SLC44A5: variants seen among roughly 807,000 people sequenced by gnomAD.
SLC44A5 encodes solute carrier family 44 member 5, also known as choline transporter-like protein 5.
SLC44A5 carries 57 observed loss-of-function variants against 101.8 expected under a neutral mutation model. That is an observed-to-expected ratio of 0.56 (90% CI 0.45 to 0.70). The LOEUF (loss-of-function observed/expected upper bound fraction) is 0.70, where lower values mean the gene tolerates loss of function less well. Ranked by LOEUF, SLC44A5 falls within the 30% of genes least tolerant of loss-of-function variation. SLC44A5 has a pLI of 0.00. For synonymous variants in SLC44A5, 281 were observed against 290.9 expected (o/e 0.97, Z 0.35); for missense variants, 737 against 853.1 (o/e 0.86, Z 1.70).
chr1:75,370,733 C>T (rs189736795), intron 3 of SLC44A5, among the ~76,000 whole-genome samples: 12 of 152,202 alleles, frequency 7.9e-5, no homozygotes, highest in African/African-American at 2.4e-4. Context: ...AACTTTGATA[C>T]GGGATCAGAG....
chr1:75,582,066 G>A (rs543721038), intron 1 of SLC44A5: 176 of 692,738 alleles, frequency 2.5e-4, no homozygotes, highest in Non-Finnish European at 4.0e-4. Flanking sequence ...ACTTCCAGGC[G>A]CTTCAGGAGC....
At chr1:75,623,280 A>T in the SLC44A5 span, among the ~76,000 whole-genome samples, 1,899 of 152,234 alleles carry the variant, frequency 0.012, 57 homozygotes, top group African/African-American at 0.044. Flanking sequence ...TGAGAGTGTC[A>T]AGGAAGATTC....
the SLC44A5 span, among the ~76,000 whole-genome samples, chr1:75,659,254 T>A: frequency 6.1e-5 from 9 of 147,778 alleles, no homozygotes; most frequent in African/African-American, 2.2e-4. Flanking sequence ...AAACTCATTC[T>A]ATGAAGCCAG....
the SLC44A5 span, among the ~76,000 whole-genome samples, chr1:75,715,526 AC>A: frequency 1.3e-5 from 2 of 152,238 alleles, no homozygotes; most frequent in Non-Finnish European, 2.9e-5. Flanking sequence ...AACAAAGTCA[AC>A]AAAAACAAGC....
intron 2 of SLC44A5, among the ~76,000 whole-genome samples, chr1:75,418,112 T>C (rs1338663784): frequency 6.6e-6 from 1 of 152,214 alleles, no homozygotes; most frequent in African/African-American, 2.4e-5. Flanking sequence ...TTCTTATAAT[T>C]GTATGTTTTC....
intron 2 of SLC44A5, among the ~76,000 whole-genome samples, chr1:75,424,802 C>T (rs991564528): frequency 2.0e-5 from 3 of 151,866 alleles, no homozygotes; most frequent in African/African-American, 7.3e-5. Context: ...ACAGGATTTA[C>T]GTTACAGTAT....
At chr1:75,376,015 C>T (rs1660566813) in intron 3 of SLC44A5, among the ~76,000 whole-genome samples, 1 of 152,196 alleles carries the variant, frequency 6.6e-6, no homozygotes, top group African/African-American at 2.4e-5. Flanking sequence ...CGAGGCATTG[C>T]CTCACTTGGG....
chr1:75,275,102 T>C, intron 5 of SLC44A5, 60 bp from the exon 6 acceptor site: 1 of 1,327,728 alleles, frequency 7.5e-7, no homozygotes, highest in Non-Finnish European at 1.1e-6. Flanking sequence ...GGCAGTTTGA[T>C]TTGAGATATT....
the SLC44A5 span, among the ~76,000 whole-genome samples, chr1:75,678,862 G>C: frequency 0.016 from 2,387 of 152,106 alleles, 71 homozygotes; most frequent in African/African-American, 0.053. Context: ...TGAAAACTTT[G>C]AAAAAAATTT....
chr1:75,309,482 C>A (rs1655141503), intron 4 of SLC44A5, among the ~76,000 whole-genome samples: 1 of 152,138 alleles, frequency 6.6e-6, no homozygotes, highest in South Asian at 2.1e-4. Flanking sequence ...AACAAGATTT[C>A]TCTATTATAA....
At chr1:75,683,703 G>A in the SLC44A5 span, among the ~76,000 whole-genome samples, 5,445 of 151,810 alleles carry the variant, frequency 0.036, 263 homozygotes, top group African/African-American at 0.11. Context: ...ACATGTATAC[G>A]TATGTAACTA....
chr1:75,301,905 A>G (rs1557639998), intron 4 of SLC44A5, among the ~76,000 whole-genome samples: 1 of 152,168 alleles, frequency 6.6e-6, no homozygotes, highest in Non-Finnish European at 1.5e-5. Context: ...AAATAGCTAC[A>G]TCTAAAATCA....
At chr1:75,507,199 C>G (rs546750389) in intron 2 of SLC44A5, among the ~76,000 whole-genome samples, 1 of 152,126 alleles carries the variant, frequency 6.6e-6, no homozygotes, top group South Asian at 2.1e-4. Context: ...ACAGATGGTG[C>G]TAATTATTTT....
chr1:75,634,994 C>T, the SLC44A5 span, among the ~76,000 whole-genome samples: 19 of 151,310 alleles, frequency 1.3e-4, no homozygotes, highest in Non-Finnish European at 1.9e-4. Context: ...AAAAAGTGGG[C>T]GAAGGATATG....
At chr1:75,507,618 G>C (rs1445897453) in intron 2 of SLC44A5, among the ~76,000 whole-genome samples, 1 of 152,062 alleles carries the variant, frequency 6.6e-6, no homozygotes, top group African/African-American at 2.4e-5. Flanking sequence ...GGTTTCAGTA[G>C]AATTGGTACC....
At chr1:75,448,969 T>C (rs1372366392) in intron 2 of SLC44A5, among the ~76,000 whole-genome samples, 2 of 152,164 alleles carry the variant, frequency 1.3e-5, no homozygotes, top group Non-Finnish European at 2.9e-5. Context: ...TTGCCTTCTC[T>C]TTCTCAACCA....
At chr1:75,232,352 A>G (rs374510966) in intron 12 of SLC44A5, among the ~76,000 whole-genome samples, 4 of 152,148 alleles carry the variant, frequency 2.6e-5, no homozygotes, top group African/African-American at 7.2e-5. Context: ...ACAATGCAAG[A>G]GTGATTGAAT....
chr1:75,469,823 C>T (rs554143426), intron 2 of SLC44A5, among the ~76,000 whole-genome samples: 1 of 149,470 alleles, frequency 6.7e-6, no homozygotes, highest in Non-Finnish European at 1.5e-5. Context: ...TCATTTAAGC[C>T]CAGGAATTCG....
At chr1:75,622,035 C>T in the SLC44A5 span, among the ~76,000 whole-genome samples, 1 of 152,044 alleles carries the variant, frequency 6.6e-6, no homozygotes, top group East Asian at 1.9e-4. Flanking sequence ...TAAAATTTCA[C>T]CTGAATTAAA....
Sources: allele counts gnomAD v4.1 joint callset (sites outside exome capture counted in the v4.1 genomes callset), GRCh38; gene constraint gnomAD v4.1.1; transcripts MANE v1.5; gene names NCBI Gene and HGNC (gene_info 2026-07-23, HGNC 2026-07-21).